Variants in ZNF592 observed in about 807,000 individuals in gnomAD.
The protein encoded by ZNF592 is spinocerebellar ataxia, autosomal recessive 5.
ZNF592 carries 11 observed loss-of-function variants against 80.3 expected under a neutral mutation model. The ratio of observed to expected loss-of-function variants is 0.14; its 90% confidence interval spans 0.09 to 0.23. The LOEUF is 0.23. Among genes scored for constraint, ZNF592 ranks in the 10% least tolerant of loss-of-function variants. The probability of loss-of-function intolerance (pLI) is 1.00; values close to 1 mark genes in which losing one functional copy is unlikely to be tolerated. For synonymous variants in ZNF592, 646 were observed against 640.3 expected (o/e 1.01, Z -0.13); for missense variants, 1,420 against 1,633.9 (o/e 0.87, Z 2.26).
At position 84,798,032 on chromosome 15, in the gene ZNF592, C is replaced by T. The variant is rs764954087; in HGVS notation, c.2563C>T (p.His855Tyr). The change falls in exon 6 of 11, where the codon CAC becomes TAC. Residue 855 changes from histidine to tyrosine, a missense_variant. Transcript: ENST00000560079. The surrounding 1 kb of genome is among the most constrained non-coding windows in gnomAD (Gnocchi z 4.5). ...HSATQHPTQP[H>Y]RPSQLIYKCS... ...TGCCACCCAGCACCCCACCCAGCCC[C>T]ACAGACCCTCCCAGTGAGTGCAGCT... 6.2e-7 allele frequency: 1 copy of T among 1,613,938 alleles called. No homozygotes were observed. Among genetic ancestry groups the T allele is most frequent in the South Asian group, 1.1e-5 (1 of 91,088 alleles).
chr15:84,799,766 C>G lies in ZNF592; in HGVS notation c.3138-76C>G, dbSNP rs1009008930. On this transcript the variant is annotated intron_variant, in intron 9 of 10. Coordinates refer to ENST00000560079, the MANE Select transcript of ZNF592 (RefSeq NM_014630.3). The surrounding 1 kb of genome is among the most constrained non-coding windows in gnomAD (Gnocchi z 4.2). ...GAGTCTGCTCCAGACTCCCTCCTTC[C>G]TGGCCTTGGTGTGAATAGCACTGAG... The G allele has an allele frequency of 1.9e-6, 3 of 1,604,518 alleles. No homozygotes were observed. The highest frequency in any genetic ancestry group is 2.5e-6 in the Non-Finnish European group (3 of 1,178,194).
chr15:84,778,707 T>C (rs549725947), intron 3 of ZNF592, among the ~76,000 whole-genome samples: 3 of 152,274 alleles, frequency 2.0e-5, no homozygotes, highest in African/African-American at 7.2e-5. Flanking sequence ...CTACACTAAC[T>C]GCTGTTAGGG....
intron 2 of ZNF592, among the ~76,000 whole-genome samples, chr15:84,776,856 C>T (rs1962268071): frequency 6.6e-6 from 1 of 151,622 alleles, no homozygotes; most frequent in South Asian, 2.1e-4. Flanking sequence ...TCAAGGCCAC[C>T]CTGGCTAACA....
Position 84,782,983 on chromosome 15 carries a change from A to G in ZNF592, c.308A>G (p.Asp103Gly), listed in dbSNP as rs1199633180. The G allele has an allele frequency of 2.5e-6, 4 of 1,613,984 alleles. No individual in the cohort carries two copies. The highest frequency in any genetic ancestry group is 1.1e-5 in the South Asian group (1 of 91,074). The change falls in exon 4 of 11, where the codon GAT (aspartate) becomes GGT (glycine). Residue 103 changes from aspartate (D) to glycine (G), a missense_variant. Asp to Gly is a moderately conservative substitution (Grantham distance 94). Coordinates refer to ENST00000560079, the MANE Select transcript of ZNF592 (RefSeq NM_014630.3). ...TTCCGGGGCTCAGATCTGCCTCCAG[A>G]TCCCCACAACTGTGGGAAATTTGAT... ...NGFRGSDLPPDPHNCGKFDST... is the reference protein window; with the variant it reads ...NGFRGSDLPPGPHNCGKFDST...
chr15:84,772,516 C>T (rs1452160650), intron 2 of ZNF592, among the ~76,000 whole-genome samples: 1 of 152,178 alleles, frequency 6.6e-6, no homozygotes, highest in Non-Finnish European at 1.5e-5. Flanking sequence ...CACCATTGCA[C>T]TCCAGCCTGG....
intron 1 of ZNF592, among the ~76,000 whole-genome samples, chr15:84,751,488 T>G (rs1298995030): frequency 6.6e-6 from 1 of 152,244 alleles, no homozygotes; most frequent in Non-Finnish European, 1.5e-5. Context: ...ACATTTTAAG[T>G]GCAGATAAAA....
chr15:84,781,384 T>A (rs894871428), intron 3 of ZNF592, among the ~76,000 whole-genome samples: 7 of 151,902 alleles, frequency 4.6e-5, no homozygotes, highest in Non-Finnish European at 8.8e-5. Context: ...TTATAGTCTA[T>A]CAAGTATTTT....
At chr15:84,781,210 G>T (rs145156852) in intron 3 of ZNF592, among the ~76,000 whole-genome samples, 270 of 152,060 alleles carry the variant, frequency 1.8e-3, no homozygotes, top group African/African-American at 6.1e-3. Flanking sequence ...ACCACGCCTG[G>T]CTGATTTTTG....
At position 84,757,605 on chromosome 15, in the gene ZNF592, C is replaced by T. The variant is rs191925765; in HGVS notation, c.-258-7102C>T. 3.9e-5 allele frequency among the ~76,000 whole-genome samples: 6 copies of T among 151,940 alleles called. No homozygotes were observed. The East Asian group carries it at 9.7e-4, about 24-fold the overall frequency. ...CTGGCTTGAAGCGATCCTTCCACCT[C>T]GGCCTCCCAAAATGTGGGATTACAG... On this transcript the variant is annotated intron_variant, in intron 1 of 10. Transcript: ENST00000560079.
intron 5 of ZNF592, among the ~76,000 whole-genome samples, chr15:84,793,325 G>C (rs1300336633): frequency 6.6e-6 from 1 of 152,034 alleles, no homozygotes; most frequent in Non-Finnish European, 1.5e-5. Flanking sequence ...GATCCACCTG[G>C]CTTGGCCTCC....
chr15:84,795,285 C>T (rs1338702975), intron 5 of ZNF592, among the ~76,000 whole-genome samples: 1 of 152,132 alleles, frequency 6.6e-6, no homozygotes, highest in East Asian at 1.9e-4. Context: ...TTTTCTAAAA[C>T]TACATATTTC....
intron 5 of ZNF592, among the ~76,000 whole-genome samples, chr15:84,797,159 T>A (rs1258475432): frequency 6.6e-6 from 1 of 152,184 alleles, no homozygotes; most frequent in African/African-American, 2.4e-5. Flanking sequence ...AGGGTTTTGC[T>A]ATGTCGGCCA....
Position 84,782,817 on chromosome 15 carries a change from A to G in ZNF592, c.142A>G (p.Met48Val), listed in dbSNP as rs764495412. 4 of 1,613,964 alleles carry G rather than the reference A, an allele frequency of 2.5e-6. No homozygotes were observed. The highest frequency in any genetic ancestry group is 2.2e-5 in the South Asian group (2 of 91,086). ...ESPLKPPGIC[M>V]DESVSLSHSG... Reference sequence around the variant, plus strand: ...TCCCCTCAAACCTCCAGGCATATGTATGGATGAAAGTGTGTCCTTGTCTCA... The same window carrying G: ...TCCCCTCAAACCTCCAGGCATATGTGTGGATGAAAGTGTGTCCTTGTCTCA... The change falls in exon 4 of 11, where the codon ATG becomes GTG. Residue 48 changes from methionine to valine, a missense_variant. Transcript: ENST00000560079.
At chr15:84,766,440 G>A (rs984620849) in intron 2 of ZNF592, among the ~76,000 whole-genome samples, 4 of 152,148 alleles carry the variant, frequency 2.6e-5, no homozygotes, top group Non-Finnish European at 5.9e-5. Context: ...TGGATTGTTG[G>A]TGAAAGGCTG....
intron 4 of ZNF592, among the ~76,000 whole-genome samples, chr15:84,788,398 A>G (rs35557864): frequency 0.19 from 29,629 of 152,180 alleles, 3,635 homozygotes; most frequent in Middle Eastern, 0.36. Context: ...TGTATAAAGT[A>G]TATTTTTTGC....
rs1963060543 is a variant in ZNF592, at chr15:84,800,474, T to G, written c.3273+497T>G. ...CCCTATTCTGATTTCTGGTGAACTT[T>G]GGAGCAGCCTGGTTTTTCCTCCTCA... is the stretch of plus-strand genomic sequence containing the variant. On this transcript the variant is annotated intron_variant, in intron 10 of 10. Coordinates refer to ENST00000560079, the MANE Select transcript of ZNF592 (RefSeq NM_014630.3). Among the ~76,000 whole-genome samples, 5 of 152,192 alleles carry G rather than the reference T, an allele frequency of 3.3e-5. No individual in the cohort carries two copies. The South Asian group carries it at 1.0e-3, about 31-fold the overall frequency.
chr15:84,763,132 G>A (rs953703375), intron 1 of ZNF592, among the ~76,000 whole-genome samples: 1 of 152,150 alleles, frequency 6.6e-6, no homozygotes, highest in South Asian at 2.1e-4. Context: ...CAAAGTACAG[G>A]GGCAGCTTGG....
chr15:84,794,722 C>G (rs372535841), intron 5 of ZNF592, among the ~76,000 whole-genome samples: 1 of 152,068 alleles, frequency 6.6e-6, no homozygotes, highest in South Asian at 2.1e-4. Flanking sequence ...GGTGATCCAC[C>G]GACCTCAGCC....
chr15:84,782,664 C>A lies in ZNF592; in HGVS notation c.-12C>A. The stretch of plus-strand genomic sequence containing the variant: ...TTTCTGTTTCTGTTACAGCCCTTGC[C>A]AGCATCCAGCCATGGGGGATATGAA... On this transcript the variant is annotated 5_prime_UTR_variant, in exon 4 of 11. Transcript: ENST00000560079. 1 of 1,614,052 alleles carries A rather than the reference C, an allele frequency of 6.2e-7. No individual in the cohort carries two copies. The highest frequency in any genetic ancestry group is 8.5e-7 in the Non-Finnish European group (1 of 1,180,016).
Sources: gnomAD v4.1 joint callset for allele counts (sites outside exome capture counted in the v4.1 genomes callset) on GRCh38, gnomAD v4.1.1 for gene constraint, Gnocchi (gnomAD v3.1) non-coding constraint, MANE v1.5 for transcripts, NCBI Gene and HGNC (gene_info 2026-07-23, HGNC 2026-07-21) for gene names.